Variants in LENG8 observed in about 807,000 individuals in gnomAD.
LENG8 encodes the protein leukocyte receptor cluster (LRC) member 8.
LENG8 carries 28 observed loss-of-function variants against 102.1 expected under a neutral mutation model. The observed-to-expected ratio is 0.27, with a 90% confidence interval of 0.20 to 0.38. The LOEUF (loss-of-function observed/expected upper bound fraction) is 0.38. Ranked by LOEUF, LENG8 falls within the 10% of genes least tolerant of loss-of-function variation. The probability of loss-of-function intolerance (pLI) is 1.00; values close to 1 mark genes in which losing one functional copy is unlikely to be tolerated. For missense variants in LENG8, 1,022 were observed against 1,113.9 expected (o/e 0.92, Z 1.17); for synonymous variants, 531 against 456.7 (o/e 1.16, Z -2.07).
At chr19:54,457,214 TG>T (rs1444654164) in intron 11 of LENG8, among the ~76,000 whole-genome samples, 1 of 152,190 alleles carries the variant, frequency 6.6e-6, no homozygotes, top group African/African-American at 2.4e-5. Context: ...CCGTGGGCTG[TG>T]GGGCGTGGGG....
Position 54,456,869 on chromosome 19 carries a change from A to G in LENG8, c.1679A>G (p.His560Arg). Reference sequence around the variant, plus strand: ...GGCACCTGCCCTGACATCACCAAGCACTACCTGCGCCTCACCTGTGCCCCC... The same window carrying G: ...GGCACCTGCCCTGACATCACCAAGCGCTACCTGCGCCTCACCTGTGCCCCC... The part of the protein sequence containing the change: ...IVGTCPDITK[H>R]YLRLTCAPDP... The change falls in exon 11 of 16, where the codon CAC (histidine) becomes CGC (arginine). Residue 560 changes from histidine (H) to arginine (R), a missense_variant. Around this residue, in one of 7 missense-constraint regions of LENG8, gnomAD observed 158 missense variants for 229.0 expected, o/e 0.69. Coordinates refer to ENST00000326764, the MANE Select transcript of LENG8 (RefSeq NM_052925.4). 6.2e-7 allele frequency: 1 copy of G among 1,610,602 alleles called. No individual in the cohort carries two copies. Among genetic ancestry groups the G allele is most frequent in the Non-Finnish European group, 8.5e-7 (1 of 1,179,866 alleles).
chr19:54,458,670 C>T (rs1275408127), intron 15 of LENG8, 149 bp downstream of exon 15: 1 of 1,552,170 alleles, frequency 6.4e-7, no homozygotes, highest in South Asian at 1.2e-5. Context: ...CCATTCAGCC[C>T]TCCCCTCTCC....
intron 3 of LENG8, 57 bp downstream of exon 3, chr19:54,452,324 AG>A (rs2083999922): frequency 4.8e-6 from 7 of 1,457,972 alleles, no homozygotes; most frequent in Non-Finnish European, 5.6e-6. Flanking sequence ...GGAGGGACAC[AG>A]TCTGGCGTCC....
chr19:54,451,277 C>A lies in LENG8; in HGVS notation c.-55-13C>A, dbSNP rs980285458. Reference sequence around the variant, plus strand: ...CCCCCTTAAGTCTCCCTAACTCATTCTTTTTCTCATAGACAGTGAAAAAGC... The same window carrying A: ...CCCCCTTAAGTCTCCCTAACTCATTATTTTTCTCATAGACAGTGAAAAAGC... On this transcript the variant is annotated splice_polypyrimidine_tract_variant and intron_variant, in intron 1 of 15. Coordinates refer to ENST00000326764, the MANE Select transcript of LENG8 (RefSeq NM_052925.4). The A allele has an allele frequency of 7.8e-6, 12 of 1,541,734 alleles. No homozygotes were observed. Among genetic ancestry groups the A allele is most frequent in the Non-Finnish European group, 9.9e-6 (11 of 1,113,770 alleles).
intron 5 of LENG8, among the ~76,000 whole-genome samples, chr19:54,454,024 G>A (rs2084090774): frequency 6.6e-6 from 1 of 152,134 alleles, no homozygotes; most frequent in African/African-American, 2.4e-5. Context: ...GTGTAATTAC[G>A]CATCTCGGTC....
rs1362877174 is a variant in LENG8, at chr19:54,455,533, T to C, written c.991T>C (p.Tyr331His). Residue 331 changes from tyrosine (Y) to histidine (H), a missense_variant, in exon 8 of 16, where the codon TAT becomes CAT. Tyr to His is a moderately conservative substitution (Grantham distance 83). Coordinates refer to ENST00000326764, the MANE Select transcript of LENG8 (RefSeq NM_052925.4). ...LQARLQDGSA[Y>H]TIDWSREPLP... ...GGCGCGGCTGCAGGACGGCTCGGCC[T>C]ATACCATTGACTGGAGCCGGGAGCC... 6.2e-7 allele frequency: 1 copy of C among 1,613,108 alleles called. No homozygotes were observed. Among genetic ancestry groups the C allele is most frequent in the Non-Finnish European group, 8.5e-7 (1 of 1,179,866 alleles).
At chr19:54,452,814 T>G in intron 4 of LENG8, 62 bp downstream of exon 4, 1 of 1,200,238 alleles carries the variant, frequency 8.3e-7, no homozygotes, top group Admixed American at 1.8e-5. Context: ...CGGGGCGAGG[T>G]GAAGTGGAGT....
intron 15 of LENG8, chr19:54,459,722 C>T (rs893438346): frequency 1.9e-6 from 2 of 1,042,468 alleles, no homozygotes; most frequent in African/African-American, 3.4e-5. Context: ...ATTCTGGAAT[C>T]TAGTGTGGGT....
chr19:54,452,830 G>A (rs1461227332), intron 4 of LENG8, 78 bp downstream of exon 4: 12 of 1,014,562 alleles, frequency 1.2e-5, no homozygotes, highest in Admixed American at 3.6e-5. Flanking sequence ...GGAGTCTGCC[G>A]GGATGGGGCT....
At position 54,458,491 on chromosome 19, in the gene LENG8, G is replaced by A. The variant is rs1256143506; in HGVS notation, c.2210G>A (p.Arg737His). 1 of 1,614,268 alleles carries A rather than the reference G, an allele frequency of 6.2e-7. No homozygotes were observed. The highest frequency in any genetic ancestry group is 8.5e-7 in the Non-Finnish European group (1 of 1,180,048). ...GTGGACAAGTTTGCAGATCGGGAGC[G>A]CAAGGTCGCCCTCAAGGCCATGATC... ...YLVDKFADRERKVALKAMIKT... is the reference protein window; with the variant it reads ...YLVDKFADREHKVALKAMIKT... Residue 737 changes from arginine (R) to histidine (H), a missense_variant, in exon 15 of 16, where the codon CGC (arginine) becomes CAC (histidine). By Grantham distance (29) the Arg-to-His change is conservative. Around this residue, in one of 7 missense-constraint regions of LENG8, gnomAD observed 129 missense variants for 123.0 expected, o/e 1.05. Transcript: ENST00000326764.
At chr19:54,457,043 C>A in intron 11 of LENG8, 122 bp downstream of exon 11, 1 of 1,125,514 alleles carries the variant, frequency 8.9e-7, no homozygotes, top group Non-Finnish European at 1.2e-6. Flanking sequence ...GAAGCTCGGC[C>A]AGAGACGCCT....
At chr19:54,452,004 G>T in intron 2 of LENG8, 89 bp from the exon 3 acceptor site, 1 of 1,229,710 alleles carries the variant, frequency 8.1e-7, no homozygotes. Flanking sequence ...GTTAGATATG[G>T]GATCCAGGGG....
At chr19:54,458,986 G>A in intron 15 of LENG8, 2 of 1,458,440 alleles carry the variant, frequency 1.4e-6, no homozygotes, top group Non-Finnish European at 1.8e-6. Context: ...GAAACGCTTA[G>A]GGAGACACCT....
At chr19:54,450,699 C>T (rs1333659460) in intron 1 of LENG8, among the ~76,000 whole-genome samples, 1 of 151,178 alleles carries the variant, frequency 6.6e-6, no homozygotes, top group African/African-American at 2.4e-5. Flanking sequence ...CTCAGCTTAC[C>T]GCCCTCCGCC....
At chr19:54,452,608 T>C (rs758697241) in intron 3 of LENG8, 43 bp from the exon 4 acceptor site, 1 of 1,506,632 alleles carries the variant, frequency 6.6e-7, no homozygotes, top group Non-Finnish European at 9.2e-7. Flanking sequence ...CGTGTGCCTG[T>C]GGATTTGGGC....
Position 54,456,504 on chromosome 19 carries a change from G to C in LENG8, c.1445+39G>C, listed in dbSNP as rs141214968. On this transcript the variant is annotated intron_variant, in intron 10 of 15. Transcript: ENST00000326764. Reference sequence around the variant, plus strand: ...AGGGCTCGACACACGGGCCAGGGTGGAGGAGGGTACTGGGGACCCATGGGA... The same window carrying C: ...AGGGCTCGACACACGGGCCAGGGTGCAGGAGGGTACTGGGGACCCATGGGA... 8.1e-4 allele frequency: 1,272 copies of C among 1,572,900 alleles called. 6 individuals carry two copies. The African/African-American group carries it at 0.016, about 19-fold the overall frequency.
intron 15 of LENG8, chr19:54,460,059 C>T: frequency 7.8e-7 from 1 of 1,288,676 alleles, no homozygotes; most frequent in Non-Finnish European, 1.0e-6. Flanking sequence ...CCCAAGGAGG[C>T]TGACCCTGCC....
chr19:54,453,883 C>G (rs2084084884), intron 5 of LENG8, among the ~76,000 whole-genome samples: 1 of 152,166 alleles, frequency 6.6e-6, no homozygotes, highest in Non-Finnish European at 1.5e-5. Context: ...ATCTTTTTCC[C>G]TAGCATGGTC....
rs757125079 is a variant in LENG8 at position 54,458,367 on chromosome 19, G to A, written c.2086G>A (p.Val696Met). Reference protein sequence around the residue: ...LTRELKADPCVAHALALRTAW... With the variant: ...LTRELKADPCMAHALALRTAW... ...ACGAGAACTGAAGGCAGATCCTTGC[G>A]TGGCCCACGCCTTGGCATTAAGGAC... The change falls in exon 15 of 16, where the codon GTG (valine) becomes ATG (methionine). Residue 696 changes from valine to methionine, a missense_variant. By Grantham distance (21) the Val-to-Met change is conservative (BLOSUM62 1). This residue lies in a region of LENG8 where 158 missense variants were observed against 229.0 expected (regional missense o/e 0.69). Transcript: ENST00000326764. 1.1e-5 allele frequency: 18 copies of A among 1,614,048 alleles called. No homozygotes were observed. The highest frequency in any genetic ancestry group is 2.7e-5 in the African/African-American group (2 of 74,938).
Sources: gnomAD v4.1 joint callset for allele counts (sites outside exome capture counted in the v4.1 genomes callset) on GRCh38, gnomAD v4.1.1 for gene constraint, gnomAD v4.1.1 regional missense constraint, MANE v1.5 for transcripts, NCBI Gene and HGNC (gene_info 2026-07-23, HGNC 2026-07-21) for gene names.